The following MICA variants were observed in gnomAD, a reference collection of about 807,000 sequenced individuals.
MICA encodes HLA class I antigen.
MICA carries 18 observed loss-of-function variants against 34.3 expected under a neutral mutation model. That is an observed-to-expected ratio of 0.52 (90% CI 0.36 to 0.78). MICA has a LOEUF of 0.78. Among genes scored for constraint, MICA ranks in the 30% least tolerant of loss-of-function variants. The probability of loss-of-function intolerance (pLI) is 0.00; values close to 1 mark genes in which losing one functional copy is unlikely to be tolerated. For missense variants in MICA, 333 were observed against 409.4 expected, an observed-to-expected ratio of 0.81 and a Z score of 1.61; for synonymous variants, 135 against 156.9, an observed-to-expected ratio of 0.86 and a Z score of 1.04.
rs1216141091 is a variant in MICA, at chr6:31,403,725, C to T, written c.70+23C>T. 7 of 1,526,154 alleles carry T rather than the reference C, an allele frequency of 4.6e-6. No individual in the cohort carries two copies. The highest frequency in any genetic ancestry group is 6.1e-6 in the Non-Finnish European group (7 of 1,139,186). 94.5% of individuals were successfully genotyped at this position (1,526,154 alleles called of 1,614,324 possible). ...CTGGTGAGTGGCGTTCCTGGCGGTC[C>T]TCGGCGGAGCGGGAGCAGTGGGACG... On this transcript the variant is annotated intron_variant, in intron 1 of 5. Transcript: ENST00000449934. The surrounding 1 kb of genome is among the most constrained non-coding windows in gnomAD (Gnocchi z 4.7).
At chr6:31,413,209 G>A (rs1198007919) in intron 5 of MICA, among the ~76,000 whole-genome samples, 2 of 151,898 alleles carry the variant, frequency 1.3e-5, no homozygotes, top group African/African-American at 2.4e-5. Context: ...TGGATGAGTA[G>A]ATAAGCAGAT....
rs1332072604 is a variant in MICA at position 31,411,375 on chromosome 6, A to G, written c.613+16A>G. 1 of 1,543,614 alleles carries G rather than the reference A, an allele frequency of 6.5e-7. No individual in the cohort carries two copies. The highest frequency in any genetic ancestry group is 2.0e-5 in the Admixed American group (1 of 50,080). On this transcript the variant is annotated intron_variant, in intron 3 of 5. Transcript: ENST00000449934. This position sits in a 1 kb window ranked among gnomAD's most constrained non-coding sequence, Gnocchi z 4.3. ...AGGAGAACAGGTACCGACGCTGGCC[A>G]GGGGCTCTCCTCTCCCTCCAATTCT...
At chr6:31,414,785 C>A (rs1242241389) in intron 5 of MICA, among the ~76,000 whole-genome samples, 1 of 151,736 alleles carries the variant, frequency 6.6e-6, no homozygotes. Flanking sequence ...CCTCCCTGCA[C>A]GATGAGTGGT....
In MICA at chr6:31,404,530, T is replaced by C. The variant is rs1005049725; in HGVS notation, c.70+828T>C. Among the ~76,000 whole-genome samples the C allele has an allele frequency of 6.6e-5, 10 of 151,752 alleles. 1 individual carries two copies. Among genetic ancestry groups the C allele is most frequent in the Non-Finnish European group, 1.5e-5 (1 of 67,972 alleles). On this transcript the variant is annotated intron_variant, in intron 1 of 5. Transcript: ENST00000449934. ...TAGGGTGTCCTCTGCCCTCATCCCC[T>C]GTCCCCGCCACCGAAGGTCCCTCCT...
intron 1 of MICA, among the ~76,000 whole-genome samples, chr6:31,404,041 T>G (rs1770605444): frequency 6.6e-6 from 1 of 151,838 alleles, no homozygotes; most frequent in African/African-American, 2.4e-5. Context: ...GTGAATGGCA[T>G]TCGAGTGCCC....
chr6:31,412,653 A>G (rs995103509), intron 5 of MICA, among the ~76,000 whole-genome samples, 193 bp downstream of exon 5: 2 of 151,860 alleles, frequency 1.3e-5, no homozygotes, highest in African/African-American at 2.4e-5. Context: ...GCAAGGGTCA[A>G]ACGCCCAGCT....
upstream of MICA, among the ~76,000 whole-genome samples, chr6:31,402,498 A>C (rs1770485545): frequency 6.6e-6 from 1 of 151,878 alleles, no homozygotes; most frequent in Non-Finnish European, 1.5e-5. Flanking sequence ...GACATTCAGC[A>C]GATGGGGCGC....
upstream of MICA, chr6:31,403,442 C>T (rs1582661247): frequency 1.9e-6 from 1 of 526,438 alleles, no homozygotes; most frequent in Non-Finnish European, 3.3e-6. This position sits in a 1 kb window ranked among gnomAD's most constrained non-coding sequence, Gnocchi z 4.7. Context: ...TAAATCTCCC[C>T]AGGTCTCCAG....
In MICA at chr6:31,410,904, G is replaced by A. The variant is rs17206645; in HGVS notation, c.325+107G>A. ...CCACTGGATCTGGCTCAGGCTGGGGGTGAGGAATGGGGGTCAGTGGAACTC... is the reference window on the plus strand; with the variant it reads ...CCACTGGATCTGGCTCAGGCTGGGGATGAGGAATGGGGGTCAGTGGAACTC... On this transcript the variant is annotated intron_variant, in intron 2 of 5. Transcript: ENST00000449934. 4.1e-6 allele frequency: 6 copies of A among 1,479,892 alleles called. No individual in the cohort carries two copies. The South Asian group carries it at 4.2e-5, about 10-fold the overall frequency. The allele number at this position is 1,479,892 out of a possible 1,614,324, so 91.7% of individuals were successfully genotyped here.
At position 31,410,548 on chromosome 6, in the gene MICA, C is replaced by A. The variant is rs778188079; in HGVS notation, c.76C>A (p.His26Asn). 1 of 1,612,056 alleles carries A rather than the reference C, an allele frequency of 6.2e-7. No individual in the cohort carries two copies. Among genetic ancestry groups the A allele is most frequent in the South Asian group, 1.1e-5 (1 of 91,020 alleles). Residue 26 changes from histidine (H) to asparagine (N), a missense_variant, in exon 2 of 6, where the codon CAC becomes AAC. Coordinates refer to ENST00000449934, the MANE Select transcript of MICA (RefSeq NM_001177519.3). Reference sequence around the variant, plus strand: ...TGTGATTTCCTCTTCCCCAGAGCCCCACAGTCTTCGTTATAACCTCACGGT... The same window carrying A: ...TGTGATTTCCTCTTCCCCAGAGCCCAACAGTCTTCGTTATAACCTCACGGT... The part of the protein sequence containing the change: ...FAPPGAAAEP[H>N]SLRYNLTVLS...
intron 5 of MICA, among the ~76,000 whole-genome samples, chr6:31,414,804 G>A (rs146764016): frequency 0.018 from 2,736 of 151,992 alleles, 61 homozygotes; most frequent in Middle Eastern, 0.079. Flanking sequence ...GTGGGCACAG[G>A]GCACGGGCTG....
rs939770225 is a variant in MICA, at chr6:31,411,493, T to C, written c.613+134T>C. On this transcript the variant is annotated intron_variant, in intron 3 of 5. Coordinates refer to ENST00000449934, the MANE Select transcript of MICA (RefSeq NM_001177519.3). The surrounding 1 kb of genome is among the most constrained non-coding windows in gnomAD (Gnocchi z 4.3). ...CCTGTTGGCACATCGTGTCCTGATT[T>C]TCCTCTATTGTTAGAGCCACTGGAT... The C allele has an allele frequency of 2.1e-6, 2 of 937,410 alleles. No individual in the cohort carries two copies. Among genetic ancestry groups the C allele is most frequent in the Non-Finnish European group, 3.1e-6 (2 of 644,100 alleles). The allele number at this position is 937,410 out of a possible 1,614,324, so 58.1% of individuals were successfully genotyped here.
upstream of MICA, among the ~76,000 whole-genome samples, chr6:31,401,220 T>G (rs1388505408): frequency 1.3e-5 from 2 of 151,540 alleles, no homozygotes; most frequent in Non-Finnish European, 2.9e-5. Context: ...TCTTTAGCAG[T>G]GAAAATAATC....
intron 1 of MICA, among the ~76,000 whole-genome samples, chr6:31,408,908 G>A (rs1428760902): frequency 1.3e-5 from 2 of 151,650 alleles, no homozygotes; most frequent in African/African-American, 4.9e-5. Flanking sequence ...GGGAGGCTGA[G>A]GCAGGAGAAT....
At chr6:31,402,550 A>T (rs536325750), upstream of MICA, among the ~76,000 whole-genome samples, 1 of 151,916 alleles carries the variant, frequency 6.6e-6, no homozygotes, top group East Asian at 1.9e-4. Context: ...TGAGGCAGGC[A>T]CCGTGTTTAG....
At chr6:31,409,555 G>A (rs1384586387) in intron 1 of MICA, among the ~76,000 whole-genome samples, 1 of 109,714 alleles carries the variant, frequency 9.1e-6, no homozygotes, top group Non-Finnish European at 2.2e-5. Flanking sequence ...ATTTCATTTC[G>A]GGGTTGATTG....
intron 1 of MICA, 83 bp from the exon 2 acceptor site, chr6:31,410,460 T>C: frequency 1.3e-6 from 2 of 1,517,610 alleles, no homozygotes; most frequent in Non-Finnish European, 8.9e-7. Context: ...CCCAGGAAGG[T>C]TGGGACAGCA....
Position 31,415,161 on chromosome 6 carries a change from A to G in MICA, c.*179A>G, listed in dbSNP as rs9266827. On this transcript the variant is annotated 3_prime_UTR_variant, in exon 6 of 6. Coordinates refer to ENST00000449934, the MANE Select transcript of MICA (RefSeq NM_001177519.3). ...CTAGACTCTACAGCCAGGCGGCTGG[A>G]ATTGAATTCCCTGCCTGGATCTCAC... is the stretch of plus-strand genomic sequence containing the variant. 0.25 allele frequency: 223,770 copies of G among 880,594 alleles called. 33,413 individuals are homozygous for G. The highest frequency in any genetic ancestry group is 0.39 in the African/African-American group (22,635 of 58,340). The allele number at this position is 880,594 out of a possible 1,614,324, so 54.5% of individuals were successfully genotyped here. A position where few individuals can be genotyped will look rare whatever the true frequency, so the allele number is the denominator to read the frequency against.
chr6:31,404,548 T>TC (rs1452364095), intron 1 of MICA, among the ~76,000 whole-genome samples: 4 of 151,634 alleles, frequency 2.6e-5, no homozygotes, highest in Non-Finnish European at 5.9e-5. Flanking sequence ...CCACCGAAGG[T>TC]CCCTCCTGCA....
Sources: allele counts gnomAD v4.1 joint callset (sites outside exome capture counted in the v4.1 genomes callset), GRCh38; gene constraint gnomAD v4.1.1; non-coding constraint Gnocchi (gnomAD v3.1); transcripts MANE v1.5; gene names NCBI Gene and HGNC (gene_info 2026-07-23, HGNC 2026-07-21).